Variants in SLC36A1 observed in about 807,000 individuals in gnomAD.
SLC36A1 encodes proton-coupled amino acid transporter 1.
A neutral mutation model predicts 47.5 loss-of-function variants in SLC36A1; 30 were observed. The observed-to-expected ratio is 0.63, with a 90% CI of 0.47 to 0.86. The LOEUF (loss-of-function observed/expected upper bound fraction) is 0.86, where lower values mean the gene tolerates loss of function less well. Among genes scored for constraint, SLC36A1 ranks in the 40% least tolerant of loss-of-function variants. The pLI, the probability that SLC36A1 is intolerant of heterozygous loss-of-function variation, is 0.00. For synonymous variants in SLC36A1, 255 were observed against 249.7 expected, an observed-to-expected ratio of 1.02 and a Z score of -0.20; for missense variants, 517 against 606.0, an observed-to-expected ratio of 0.85 and a Z score of 1.54.
chr5:151,488,731 C>A lies in SLC36A1; in HGVS notation c.*477C>A, dbSNP rs1759869676. On this transcript the variant is annotated 3_prime_UTR_variant, in exon 11 of 11. Transcript: ENST00000243389. ...CATCTCTCTCCCAAATGTTGTATCT[C>A]AGTATTCTTCCTATTCGAGTCTCCA... The A allele has an allele frequency of 2.4e-5, 4 of 164,840 alleles. No individual in the cohort carries two copies. In the South Asian group the frequency reaches 6.2e-4, roughly 25 times the overall value. The allele number at this position is 164,840 out of a possible 1,614,324, so 10.2% of individuals were successfully genotyped here.
At chr5:151,345,956 G>A in the SLC36A1 span, among the ~76,000 whole-genome samples, 1 of 152,166 alleles carries the variant, frequency 6.6e-6, no homozygotes, top group South Asian at 2.1e-4. Context: ...TGGACACAAA[G>A]AAGTTCCAGC....
chr5:151,501,393 T>C, the SLC36A1 span, among the ~76,000 whole-genome samples: 1 of 150,272 alleles, frequency 6.7e-6, no homozygotes, highest in Non-Finnish European at 1.5e-5. Flanking sequence ...CCTGTCTCGG[T>C]GTCATCATGG....
the SLC36A1 span, among the ~76,000 whole-genome samples, chr5:151,351,773 T>C: frequency 2.6e-5 from 4 of 152,160 alleles, no homozygotes; most frequent in Non-Finnish European, 4.4e-5. Context: ...GCCAGCATCA[T>C]CCCTCACTTG....
chr5:151,529,141 T>A, the SLC36A1 span: 1 of 1,588,162 alleles, frequency 6.3e-7, no homozygotes, highest in East Asian at 2.2e-5. Flanking sequence ...CATCCCAGAG[T>A]TCTTGTCCCA....
At chr5:151,500,811 C>T in the SLC36A1 span, among the ~76,000 whole-genome samples, 1 of 152,258 alleles carries the variant, frequency 6.6e-6, no homozygotes, top group African/African-American at 2.4e-5. Flanking sequence ...TGCAAGTCTG[C>T]CTGAGCCCCA....
chr5:151,458,715 C>T, intron 1 of SLC36A1, 73 bp from the exon 2 acceptor site: 1 of 1,531,504 alleles, frequency 6.5e-7, no homozygotes, highest in East Asian at 2.3e-5. Context: ...AGCTTCTACC[C>T]CAGAGGCCAC....
the SLC36A1 span, among the ~76,000 whole-genome samples, chr5:151,377,418 G>A: frequency 2.1e-5 from 3 of 142,476 alleles, no homozygotes; most frequent in African/African-American, 8.0e-5. Context: ...GCGCGATCTC[G>A]ACTCACTGCA....
the SLC36A1 span, chr5:151,510,176 T>C: frequency 6.2e-7 from 1 of 1,613,702 alleles, no homozygotes; most frequent in Non-Finnish European, 8.5e-7. Context: ...AGACATAGCC[T>C]AGGAGAAAAA....
At chr5:151,478,000 C>T (rs1758311687) in intron 9 of SLC36A1, among the ~76,000 whole-genome samples, 1 of 152,210 alleles carries the variant, frequency 6.6e-6, no homozygotes, top group Non-Finnish European at 1.5e-5. Flanking sequence ...TCACAGCTCT[C>T]CAGAGGCTTT....
At chr5:151,426,850 C>A in the SLC36A1 span, among the ~76,000 whole-genome samples, 1 of 152,192 alleles carries the variant, frequency 6.6e-6, no homozygotes, top group South Asian at 2.1e-4. Context: ...CCTTCCGCAG[C>A]GCATTTTGTC....
chr5:151,413,876 T>C, the SLC36A1 span, among the ~76,000 whole-genome samples: 2 of 152,068 alleles, frequency 1.3e-5, no homozygotes, highest in South Asian at 4.2e-4. Context: ...CGTATATATA[T>C]GTATATATAT....
the SLC36A1 span, chr5:151,378,599 A>G: frequency 5.2e-6 from 1 of 191,296 alleles, no homozygotes; most frequent in South Asian, 1.1e-4. Flanking sequence ...CATGGTGACC[A>G]TCTTCCAGGC....
At chr5:151,554,880 T>G in the SLC36A1 span, among the ~76,000 whole-genome samples, 1 of 152,350 alleles carries the variant, frequency 6.6e-6, no homozygotes, top group Non-Finnish European at 1.5e-5. Context: ...CAGAAAGAAC[T>G]GGAAGAAGAC....
chr5:151,531,567 T>C, the SLC36A1 span: 1 of 1,611,536 alleles, frequency 6.2e-7, no homozygotes, highest in Non-Finnish European at 8.5e-7. This position sits in a 1 kb window ranked among gnomAD's most constrained non-coding sequence, Gnocchi z 5.7. Context: ...GCTTTGGGGC[T>C]TGGTGGATCA....
chr5:151,381,782 C>T, the SLC36A1 span, among the ~76,000 whole-genome samples: 1 of 152,184 alleles, frequency 6.6e-6, no homozygotes, highest in Admixed American at 6.5e-5. Context: ...GCACTCCTGG[C>T]TCACTGGCCC....
the SLC36A1 span, chr5:151,347,310 T>C: frequency 6.2e-7 from 1 of 1,602,450 alleles, no homozygotes; most frequent in Non-Finnish European, 8.6e-7. Flanking sequence ...ATGCCCTTGG[T>C]CTTCTTCAAG....
At chr5:151,544,778 G>T in the SLC36A1 span, 3 of 1,614,124 alleles carry the variant, frequency 1.9e-6, no homozygotes, top group Non-Finnish European at 1.7e-6. Context: ...GGGTCAATTC[G>T]GAAATATGTG....
At chr5:151,388,922 C>T in the SLC36A1 span, among the ~76,000 whole-genome samples, 66 of 152,154 alleles carry the variant, frequency 4.3e-4, no homozygotes, top group African/African-American at 1.4e-3. Flanking sequence ...TGAAAGTCTA[C>T]AATCATAAAA....
the SLC36A1 span, among the ~76,000 whole-genome samples, chr5:151,515,725 A>G: frequency 6.9e-3 from 1,048 of 152,128 alleles, 7 homozygotes; most frequent in African/African-American, 0.024. Flanking sequence ...CTCTGTCATC[A>G]CCCTGGTCTA....
Sources: allele counts gnomAD v4.1 joint callset (sites outside exome capture counted in the v4.1 genomes callset), GRCh38; gene constraint gnomAD v4.1.1; non-coding constraint Gnocchi (gnomAD v3.1); transcripts MANE v1.5; gene names NCBI Gene and HGNC (gene_info 2026-07-23, HGNC 2026-07-21).